TRIM26: variants seen among roughly 807,000 people sequenced by gnomAD.
TRIM26 encodes tripartite motif containing 26.
TRIM26 carries 16 observed loss-of-function variants against 45.5 expected under a neutral mutation model. That is an observed-to-expected ratio of 0.35 (90% CI 0.24 to 0.53). The LOEUF is 0.53. Among genes scored for constraint, TRIM26 ranks in the 20% least tolerant of loss-of-function variants. The pLI, the probability that TRIM26 is intolerant of heterozygous loss-of-function variation, is 0.92. For synonymous variants in TRIM26, 273 were observed against 290.4 expected, an observed-to-expected ratio of 0.94 and a Z score of 0.61; for missense variants, 442 against 691.1, an observed-to-expected ratio of 0.64 and a Z score of 4.04.
intron 2 of TRIM26, among the ~76,000 whole-genome samples, chr6:30,201,991 C>T (rs561592491): frequency 6.6e-6 from 1 of 152,178 alleles, no homozygotes; most frequent in African/African-American, 2.4e-5. Context: ...TGGTACTGGG[C>T]GTGTCTGTGG....
chr6:30,208,791 G>A (rs1041951600), intron 1 of TRIM26, among the ~76,000 whole-genome samples: 1 of 152,046 alleles, frequency 6.6e-6, no homozygotes, highest in Non-Finnish European at 1.5e-5. Context: ...AGTGACTATA[G>A]TGCTATGTAG....
intron 1 of TRIM26, among the ~76,000 whole-genome samples, chr6:30,205,942 T>C (rs1401734655): frequency 6.6e-6 from 1 of 152,170 alleles, no homozygotes; most frequent in Non-Finnish European, 1.5e-5. Context: ...GTTTTCATCC[T>C]GGCCTCCAGG....
chr6:30,194,395 G>A (rs967811070), intron 6 of TRIM26, among the ~76,000 whole-genome samples: 1 of 152,166 alleles, frequency 6.6e-6, no homozygotes, highest in African/African-American at 2.4e-5. Flanking sequence ...TTCTAGTGTT[G>A]TGCAGCATTG....
At position 30,198,358 on chromosome 6, in the gene TRIM26, C is replaced by T; in HGVS notation, c.534+71G>A. ...CCTAGAAACACCTCCCAGCTGCCGC[C>T]TACTTGCCCAGGCTCACCCTGCCCT... On this transcript the variant is annotated intron_variant, in intron 5 of 9. Transcript: ENST00000454678. The surrounding 1 kb of genome is among the most constrained non-coding windows in gnomAD (Gnocchi z 6.3). 1 of 1,560,842 alleles carries T rather than the reference C, an allele frequency of 6.4e-7. No individual in the cohort carries two copies. Among genetic ancestry groups the T allele is most frequent in the Non-Finnish European group, 8.8e-7 (1 of 1,136,126 alleles).
At position 30,190,117 on chromosome 6, in the gene TRIM26, G is replaced by A. The variant is rs1775667703; in HGVS notation, c.766-82C>T. On this transcript the variant is annotated intron_variant, in intron 6 of 9. Coordinates refer to ENST00000454678, the MANE Select transcript of TRIM26 (RefSeq NM_003449.5). This position sits in a 1 kb window ranked among gnomAD's most constrained non-coding sequence, Gnocchi z 4.3. ...CATCTGCACCCAACACTGTAGCAGA[G>A]ATGGGACATATCAGTGAACAAAACA... The A allele has an allele frequency of 8.2e-6, 12 of 1,462,974 alleles. No individual in the cohort carries two copies. The highest frequency in any genetic ancestry group is 1.4e-5 in the African/African-American group (1 of 71,652). 90.6% of individuals were successfully genotyped at this position (1,462,974 alleles called of 1,614,324 possible). A position where few individuals can be genotyped will look rare whatever the true frequency, so the allele number is the denominator to read the frequency against.
rs1367115450 is a variant in TRIM26 at position 30,190,563 on chromosome 6, G to A, written c.766-528C>T. Among the ~76,000 whole-genome samples the A allele has an allele frequency of 2.0e-5, 3 of 152,132 alleles. No individual in the cohort carries two copies. The highest frequency in any genetic ancestry group is 7.2e-5 in the African/African-American group (3 of 41,432). The stretch of plus-strand genomic sequence containing the variant: ...AATAGAACCCCCGGAGTTATTGCTG[G>A]TCAGGCGGCCACCTGGGAAGACTAC... On this transcript the variant is annotated intron_variant, in intron 6 of 9. Coordinates refer to ENST00000454678, the MANE Select transcript of TRIM26 (RefSeq NM_003449.5). This position sits in a 1 kb window ranked among gnomAD's most constrained non-coding sequence, Gnocchi z 4.3.
At position 30,198,963 on chromosome 6, in the gene TRIM26, T is replaced by C. The variant is rs779525945; in HGVS notation, c.141A>G (p.Ser47=). The change falls in exon 4 of 10, where the codon TCA becomes TCG. Residue 47 remains serine (S), a synonymous_variant. Transcript: ENST00000454678. The surrounding 1 kb of genome is among the most constrained non-coding windows in gnomAD (Gnocchi z 6.3). ...RSCTTDVRPI[S]GSRPVCPLCK... is the part of the protein sequence containing the mutation. The stretch of plus-strand genomic sequence containing the variant: ...AGAGTGGGCAGACGGGGCGGCTCCC[T>C]GAGATGGGGCGGACGTCTGTGGTGC... 60 of 1,612,592 alleles carry C rather than the reference T, an allele frequency of 3.7e-5. No individual in the cohort carries two copies. Among genetic ancestry groups the C allele is most frequent in the Non-Finnish European group, 4.7e-5 (56 of 1,179,884 alleles).
chr6:30,188,238 A>AAAAAAAAAAAAC (rs1562187137), intron 9 of TRIM26: 1 of 197,176 alleles, frequency 5.1e-6, no homozygotes, highest in African/African-American at 3.1e-5. Flanking sequence ...AAAAAAAAAA[A>AAAAAAAAAAAAC]AAAAGAAATT....
chr6:30,202,085 GT>G (rs1167901809), intron 2 of TRIM26, among the ~76,000 whole-genome samples: 4 of 152,162 alleles, frequency 2.6e-5, no homozygotes, highest in African/African-American at 9.7e-5. Flanking sequence ...AGGATAGCCT[GT>G]GTTATCTTTG....
At position 30,198,381 on chromosome 6, in the gene TRIM26, C is replaced by T. The variant is rs752806088; in HGVS notation, c.534+48G>A. The T allele has an allele frequency of 1.2e-6, 2 of 1,606,286 alleles. No homozygotes were observed. Reference sequence around the variant, plus strand: ...GCCTACTTGCCCAGGCTCACCCTGCCCTACACGGGCGCACCGCCTCAGGGC... The same window carrying T: ...GCCTACTTGCCCAGGCTCACCCTGCTCTACACGGGCGCACCGCCTCAGGGC... On this transcript the variant is annotated intron_variant, in intron 5 of 9. Transcript: ENST00000454678. The surrounding 1 kb of genome is among the most constrained non-coding windows in gnomAD (Gnocchi z 6.3).
At chr6:30,200,373 C>T (rs988800588) in intron 3 of TRIM26, among the ~76,000 whole-genome samples, 2 of 152,236 alleles carry the variant, frequency 1.3e-5, no homozygotes, top group African/African-American at 4.8e-5. Context: ...CAGGAAGCTT[C>T]AGGAGTCTGA....
In TRIM26 at chr6:30,186,925, C is replaced by T; in HGVS notation, c.938-367G>A. ...TCACCAGTCCCTGAAAAATCTGTTC[C>T]ATTTTCTTCATAATCCAGAAAAAAA... On this transcript the variant is annotated intron_variant, in intron 9 of 9. Coordinates refer to ENST00000454678, the MANE Select transcript of TRIM26 (RefSeq NM_003449.5). The surrounding 1 kb of genome is among the most constrained non-coding windows in gnomAD (Gnocchi z 7.4). The T allele has an allele frequency of 1.7e-6, 1 of 572,982 alleles. No homozygotes were observed. 35.5% of individuals were successfully genotyped at this position (572,982 alleles called of 1,614,324 possible).
intron 9 of TRIM26, chr6:30,188,580 A>G (rs1296389742): frequency 8.5e-6 from 2 of 236,168 alleles, no homozygotes; most frequent in South Asian, 7.9e-5. Flanking sequence ...TGTGAACTAG[A>G]TGAAGCTCTC....
chr6:30,200,635 T>C (rs1304049070), intron 3 of TRIM26, among the ~76,000 whole-genome samples: 1 of 152,194 alleles, frequency 6.6e-6, no homozygotes, highest in Non-Finnish European at 1.5e-5. Context: ...TGCTTCTGTT[T>C]ACCTTTGTAG....
intron 1 of TRIM26, among the ~76,000 whole-genome samples, chr6:30,211,400 T>G (rs556813698): frequency 2.6e-5 from 4 of 152,172 alleles, no homozygotes; most frequent in Non-Finnish European, 5.9e-5. Context: ...GTCTTTTCTA[T>G]TCTGATCCTG....
At chr6:30,199,347 A>C in intron 3 of TRIM26, 83 bp from the exon 4 acceptor site, 1 of 429,966 alleles carries the variant, frequency 2.3e-6, no homozygotes, top group Non-Finnish European at 4.1e-6. Flanking sequence ...AGGATATGGA[A>C]ACCCAGAAAG....
Position 30,198,360 on chromosome 6 carries a change from A to G in TRIM26, c.534+69T>C. 6.4e-7 allele frequency: 1 copy of G among 1,563,696 alleles called. No individual in the cohort carries two copies. Among genetic ancestry groups the G allele is most frequent in the Non-Finnish European group, 8.8e-7 (1 of 1,138,446 alleles). On this transcript the variant is annotated intron_variant, in intron 5 of 9. Coordinates refer to ENST00000454678, the MANE Select transcript of TRIM26 (RefSeq NM_003449.5). The surrounding 1 kb of genome is among the most constrained non-coding windows in gnomAD (Gnocchi z 6.3). ...TAGAAACACCTCCCAGCTGCCGCCT[A>G]CTTGCCCAGGCTCACCCTGCCCTAC...
rs933605876 is a variant in TRIM26, at chr6:30,185,987, G to T, written c.1509C>A (p.Thr503=). 4.3e-6 allele frequency: 7 copies of T among 1,612,334 alleles called. No homozygotes were observed. The highest frequency in any genetic ancestry group is 5.9e-6 in the Non-Finnish European group (7 of 1,179,792). Reference sequence around the variant, plus strand: ...AGATGAGTTCCTGTGACTCTGCGTTGGTGAAAGTCACGGTGCCCCCTTCAT... The same window carrying T: ...AGATGAGTTCCTGTGACTCTGCGTTTGTGAAAGTCACGGTGCCCCCTTCAT... The part of the protein sequence containing the change: ...LDYEGGTVTF[T]NAESQELIYT... The change falls in exon 10 of 10, where the codon ACC becomes ACA. Residue 503 remains threonine, a synonymous_variant. Transcript: ENST00000454678. The surrounding 1 kb of genome is among the most constrained non-coding windows in gnomAD (Gnocchi z 5.7).
At chr6:30,192,488 G>T (rs1262435549) in intron 6 of TRIM26, among the ~76,000 whole-genome samples, 1 of 150,678 alleles carries the variant, frequency 6.6e-6, no homozygotes, top group African/African-American at 2.5e-5. Context: ...CTATCAAAAG[G>T]TCTCTTCTAT....
Sources: allele counts gnomAD v4.1 joint callset (sites outside exome capture counted in the v4.1 genomes callset), GRCh38; gene constraint gnomAD v4.1.1; non-coding constraint Gnocchi (gnomAD v3.1); transcripts MANE v1.5; gene names NCBI Gene and HGNC (gene_info 2026-07-23, HGNC 2026-07-21).